TOGARAM2: variants seen among roughly 807,000 people sequenced by gnomAD.
The protein encoded by TOGARAM2 is TOG array regulator of axonemal microtubules 2, also known as TOG array regulator of axonemal microtubules protein 2.
In TOGARAM2, 85 loss-of-function variants were observed where a neutral mutation model predicts 93.3. The ratio of observed to expected loss-of-function variants is 0.91; its 90% CI spans 0.76 to 1.09. The LOEUF is 1.09. Among genes scored for constraint, TOGARAM2 ranks in the 50% least tolerant of loss-of-function variants. TOGARAM2 has a pLI of 0.00. For synonymous variants in TOGARAM2, 593 were observed against 552.8 expected (o/e 1.07, Z -1.02); for missense variants, 1,277 against 1,334.5 (o/e 0.96, Z 0.67).
chr2:28,991,829 C>A (rs1206012247), intron 1 of TOGARAM2, among the ~76,000 whole-genome samples: 2 of 152,200 alleles, frequency 1.3e-5, no homozygotes, highest in East Asian at 3.9e-4. Flanking sequence ...TGGCCCCGGT[C>A]ACTATGGAAC....
Position 29,025,716 on chromosome 2 carries a change from G to A in TOGARAM2, c.1854-1137G>A, listed in dbSNP as rs138785481. ...ACAAAAGGGTCAGTGCTTCCTGATGGAGTGTGGACACAGAGGCCCTTAGAA... is the reference window on the plus strand; with the variant it reads ...ACAAAAGGGTCAGTGCTTCCTGATGAAGTGTGGACACAGAGGCCCTTAGAA... On this transcript the variant is annotated intron_variant, in intron 13 of 19. Transcript: ENST00000379558. Among the ~76,000 whole-genome samples, 30 of 152,320 alleles carry A rather than the reference G, an allele frequency of 2.0e-4. 1 individual carries two copies. In the East Asian group the frequency reaches 5.2e-3, roughly 26 times the overall value.
At chr2:29,017,411 T>G in intron 9 of TOGARAM2, 107 bp downstream of exon 9, 1 of 1,120,610 alleles carries the variant, frequency 8.9e-7, no homozygotes, top group Non-Finnish European at 1.2e-6. Context: ...TATTAGTATT[T>G]ATGTATTTAT....
Position 28,994,828 on chromosome 2 carries a change from C to T in TOGARAM2, c.-7C>T, listed in dbSNP as rs1038097492. ...GCAACCTTGTAGGCACCTTCTCCAC[C>T]CAGGACATGGGCACCCGTGACGATG... On this transcript the variant is annotated 5_prime_UTR_variant, in exon 2 of 20. Transcript: ENST00000379558. 36 of 1,552,188 alleles carry T rather than the reference C, an allele frequency of 2.3e-5. No individual in the cohort carries two copies. The highest frequency in any genetic ancestry group is 3.1e-5 in the Non-Finnish European group (35 of 1,147,314).
In TOGARAM2 at chr2:29,045,319, T is replaced by G. The variant is rs983439700; in HGVS notation, c.2636-5T>G. On this transcript the variant is annotated splice_region_variant and splice_polypyrimidine_tract_variant and intron_variant, in intron 18 of 19. Transcript: ENST00000379558. ...GTGGCCACTGACATCCCCCTTCTCT[T>G]TCAGACAACCTTTGCCTTCTACCAG... 2.5e-6 allele frequency: 4 copies of G among 1,612,028 alleles called. No homozygotes were observed. Among genetic ancestry groups the G allele is most frequent in the Non-Finnish European group, 3.4e-6 (4 of 1,179,518 alleles).
Position 29,035,589 on chromosome 2 carries a change from A to G in TOGARAM2, c.2351A>G (p.Glu784Gly), listed in dbSNP as rs1666051622. 1 of 1,589,314 alleles carries G rather than the reference A, an allele frequency of 6.3e-7. No homozygotes were observed. Among genetic ancestry groups the G allele is most frequent in the Non-Finnish European group, 8.6e-7 (1 of 1,167,238 alleles). Residue 784 changes from glutamate to glycine, a missense_variant, in exon 17 of 20, where the codon GAA becomes GGA. Physicochemically the swap from Glu to Gly is moderately conservative, Grantham distance 98. Transcript: ENST00000379558. The part of the protein sequence containing the change: ...LEAKDFRSRM[E>G]GVGQLLELCK... Reference sequence around the variant, plus strand: ...GCCAAGGACTTCCGGTCCCGGATGGAAGGCGTGGGGCAGCTCCTGGAGCTC... The same window carrying G: ...GCCAAGGACTTCCGGTCCCGGATGGGAGGCGTGGGGCAGCTCCTGGAGCTC...
intron 6 of TOGARAM2, among the ~76,000 whole-genome samples, chr2:29,005,625 GGAGT>G (rs1282912561): frequency 1.1e-5 from 1 of 92,772 alleles, no homozygotes; most frequent in African/African-American, 3.3e-5. Context: ...GTGCATGTGT[GGAGT>G]GTGTGTGCAT....
chr2:29,035,661 G>T lies in TOGARAM2; in HGVS notation c.2418+5G>T, dbSNP rs758724522. On this transcript the variant is annotated splice_donor_5th_base_variant and intron_variant, in intron 17 of 19. Transcript: ENST00000379558. Reference sequence around the variant, plus strand: ...GTCACTGCCCACCTGGTCCAGGTGAGCACCGCTTGCTTTTACTCTCCCACC... The same window carrying T: ...GTCACTGCCCACCTGGTCCAGGTGATCACCGCTTGCTTTTACTCTCCCACC... 1 of 1,423,460 alleles carries T rather than the reference G, an allele frequency of 7.0e-7. No homozygotes were observed. Among genetic ancestry groups the T allele is most frequent in the South Asian group, 1.7e-5 (1 of 59,074 alleles). The allele number at this position is 1,423,460 out of a possible 1,614,324, so 88.2% of individuals were successfully genotyped here. A position where few individuals can be genotyped will look rare whatever the true frequency, so the allele number is the denominator to read the frequency against.
intron 16 of TOGARAM2, among the ~76,000 whole-genome samples, chr2:29,033,803 C>T (rs1391217402): frequency 6.6e-6 from 1 of 152,132 alleles, no homozygotes; most frequent in African/African-American, 2.4e-5. Context: ...TTCCTGCAGT[C>T]CCAGCTGAGT....
upstream of TOGARAM2, among the ~76,000 whole-genome samples, chr2:28,980,756 T>C (rs1672148544): frequency 6.6e-6 from 1 of 152,192 alleles, no homozygotes; most frequent in African/African-American, 2.4e-5. Flanking sequence ...GGGGAAGTGA[T>C]GGAGAGCCTA....
chr2:29,032,213 G>A (rs1487855179), intron 14 of TOGARAM2, among the ~76,000 whole-genome samples: 1 of 152,050 alleles, frequency 6.6e-6, no homozygotes, highest in African/African-American at 2.4e-5. Flanking sequence ...CCCTAAACAG[G>A]GTCCTGTGTT....
chr2:28,993,689 C>T (rs1444055385), intron 1 of TOGARAM2, among the ~76,000 whole-genome samples: 1 of 151,908 alleles, frequency 6.6e-6, no homozygotes, highest in Non-Finnish European at 1.5e-5. Flanking sequence ...CCAAGCTGGG[C>T]TGGGTGCTGG....
chr2:29,025,231 C>G (rs766788241), intron 13 of TOGARAM2, among the ~76,000 whole-genome samples: 38 of 152,280 alleles, frequency 2.5e-4, no homozygotes, highest in Non-Finnish European at 5.0e-4. Context: ...TCTCAGTTGA[C>G]TCATCTGTAA....
At chr2:29,020,683 G>C (rs1470269620) in intron 10 of TOGARAM2, among the ~76,000 whole-genome samples, 1 of 152,204 alleles carries the variant, frequency 6.6e-6, no homozygotes, top group African/African-American at 2.4e-5. Flanking sequence ...GGGCAGCAGG[G>C]CAGGTGGCTG....
At chr2:29,025,430 C>T (rs1572738851) in intron 13 of TOGARAM2, among the ~76,000 whole-genome samples, 1 of 152,074 alleles carries the variant, frequency 6.6e-6, no homozygotes, top group South Asian at 2.1e-4. Flanking sequence ...GGCTCAGCTT[C>T]CTCACCTGCA....
chr2:29,023,197 GC>G lies in TOGARAM2; in HGVS notation c.1617+12del. The stretch of plus-strand genomic sequence containing the variant: ...GCTTGGTGGTGACTGGGGAGGTGAG[GC>G]CCCCCAGCCTGTGTGCTGTGCATTT... On this transcript the variant is annotated splice_region_variant and intron_variant, in intron 12 of 19. Transcript: ENST00000379558. 6.4e-7 allele frequency: 1 copy of G among 1,571,390 alleles called. No homozygotes were observed. The highest frequency in any genetic ancestry group is 8.6e-7 in the Non-Finnish European group (1 of 1,157,552).
chr2:28,976,210 A>T (rs959362067), intron 1 of TOGARAM2, among the ~76,000 whole-genome samples: 3 of 152,204 alleles, frequency 2.0e-5, no homozygotes, highest in Non-Finnish European at 4.4e-5. Context: ...CTCTACTAAA[A>T]ATACAAAATA....
intron 17 of TOGARAM2, 87 bp from the exon 18 acceptor site, chr2:29,036,454 G>C (rs909388971): frequency 3.9e-6 from 5 of 1,284,254 alleles, no homozygotes; most frequent in South Asian, 1.3e-5. Context: ...CGCTCAGTTG[G>C]GCCAGGTGAG....
intron 15 of TOGARAM2, 73 bp downstream of exon 15, chr2:29,033,124 A>T: frequency 7.8e-7 from 1 of 1,286,732 alleles, no homozygotes; most frequent in Non-Finnish European, 1.1e-6. Flanking sequence ...GGTAGCCTTC[A>T]TGTGGGTCAG....
In TOGARAM2 at chr2:29,003,543, T is replaced by C; in HGVS notation, c.691T>C (p.Ser231Pro). The C allele has an allele frequency of 6.3e-7, 1 of 1,591,808 alleles. No individual in the cohort carries two copies. The highest frequency in any genetic ancestry group is 8.5e-7 in the Non-Finnish European group (1 of 1,170,028). Residue 231 changes from serine (S) to proline (P), a missense_variant, in exon 6 of 20, where the codon TCC becomes CCC. Physicochemically the swap from Ser to Pro is moderately conservative, Grantham distance 74. Coordinates refer to ENST00000379558, the MANE Select transcript of TOGARAM2 (RefSeq NM_199280.4). ...CTGCAATGATGAGAAGATGCAGAAG[T>C]CCCTGGGCGCCATCGTGATCCCACC... ...LHCNDEKMQK[S>P]LGAIVIPPIP...
Sources: allele counts gnomAD v4.1 joint callset (sites outside exome capture counted in the v4.1 genomes callset), GRCh38; gene constraint gnomAD v4.1.1; transcripts MANE v1.5; gene names NCBI Gene and HGNC (gene_info 2026-07-23, HGNC 2026-07-21).